TMEM245: variants seen among roughly 807,000 people sequenced by gnomAD.
TMEM245 encodes transmembrane protein 245, also known as protein CG-2.
In TMEM245, 69 loss-of-function variants were observed where a neutral mutation model predicts 101.2. The observed-to-expected ratio is 0.68, with a 90% CI of 0.56 to 0.83. TMEM245 has a LOEUF of 0.83. Among genes scored for constraint, TMEM245 ranks in the 40% least tolerant of loss-of-function variants. The probability of loss-of-function intolerance (pLI) is 0.00; values close to 1 mark genes in which losing one functional copy is unlikely to be tolerated. For missense variants in TMEM245, 1,075 were observed against 1,092.8 expected, an observed-to-expected ratio of 0.98 and a Z score of 0.23; for synonymous variants, 537 against 449.8, an observed-to-expected ratio of 1.19 and a Z score of -2.45.
In TMEM245 at chr9:109,060,371, G is replaced by C; in HGVS notation, c.1705C>G (p.His569Asp). Residue 569 changes from histidine to aspartate, a missense_variant, in exon 11 of 18, where the codon CAC becomes GAC. Physicochemically the swap from His to Asp is moderately conservative, Grantham distance 81. Around this residue, in one of 2 missense-constraint regions of TMEM245, gnomAD observed 808 missense variants for 741.5 expected, o/e 1.09. Transcript: ENST00000374586. ...QVLELWDRLY[H>D]SWFVKNVTHS... ...TAACTTACCTTTACAAACCAAGAGT[G>C]ATACAGTCTGTCCCAAAGTTCTAGT... is the stretch of plus-strand genomic sequence containing the variant. 6.2e-7 allele frequency: 1 copy of C among 1,612,640 alleles called. No homozygotes were observed. Among genetic ancestry groups the C allele is most frequent in the Non-Finnish European group, 8.5e-7 (1 of 1,179,188 alleles).
intron 1 of TMEM245, among the ~76,000 whole-genome samples, chr9:109,113,829 C>T (rs943504966): frequency 6.6e-6 from 1 of 152,140 alleles, no homozygotes; most frequent in African/African-American, 2.4e-5. Flanking sequence ...GTGGCTCACA[C>T]CTATAATCCC....
At chr9:109,058,901 C>G (rs1828927691) in intron 11 of TMEM245, among the ~76,000 whole-genome samples, 2 of 152,118 alleles carry the variant, frequency 1.3e-5, no homozygotes, top group Admixed American at 6.5e-5. Flanking sequence ...CCACCAGGCC[C>G]AGACAACAAA....
intron 17 of TMEM245, among the ~76,000 whole-genome samples, chr9:109,021,337 A>G (rs1215127537): frequency 6.6e-6 from 1 of 152,256 alleles, no homozygotes; most frequent in Non-Finnish European, 1.5e-5. Context: ...CTGGCAGTAC[A>G]TCAGGATGGA....
In TMEM245 at chr9:109,119,740, C is replaced by T. The variant is rs769896770; in HGVS notation, c.174G>A (p.Gly58=). The T allele has an allele frequency of 5.9e-6, 9 of 1,532,700 alleles. No individual in the cohort carries two copies. The African/African-American group carries it at 9.9e-5, about 17-fold the overall frequency. 94.9% of individuals were successfully genotyped at this position (1,532,700 alleles called of 1,614,324 possible). A position where few individuals can be genotyped will look rare whatever the true frequency, so the allele number is the denominator to read the frequency against. The change falls in exon 1 of 18, where the codon GGG becomes GGA. Residue 58 remains glycine, a synonymous_variant. Transcript: ENST00000374586. ...KPIKQAFYNT[G]AVLFVCLCCG... is the part of the protein sequence containing the mutation. ...AGCACAGGCACACGAACAGCACGGC[C>T]CCGGTGTTGTAGAAGGCCTGCTTAA...
At chr9:109,110,008 C>T (rs1830526112) in intron 1 of TMEM245, among the ~76,000 whole-genome samples, 1 of 152,068 alleles carries the variant, frequency 6.6e-6, no homozygotes, top group African/African-American at 2.4e-5. Flanking sequence ...CTTTAATAAG[C>T]ACTAATTCTT....
At chr9:109,112,082 T>C (rs1439347363) in intron 1 of TMEM245, among the ~76,000 whole-genome samples, 1 of 152,190 alleles carries the variant, frequency 6.6e-6, no homozygotes, top group Non-Finnish European at 1.5e-5. Flanking sequence ...AAAAACACTT[T>C]AGAGTTTATA....
chr9:109,076,062 C>T (rs1194083603), intron 8 of TMEM245, among the ~76,000 whole-genome samples: 1 of 152,138 alleles, frequency 6.6e-6, no homozygotes, highest in Non-Finnish European at 1.5e-5. Context: ...TTAAAATCTT[C>T]TAATTTCCTT....
intron 8 of TMEM245, among the ~76,000 whole-genome samples, chr9:109,080,416 AAGGTGCTATGGTATATATC>A (rs1829633323): frequency 6.6e-6 from 1 of 152,058 alleles, no homozygotes; most frequent in Admixed American, 6.6e-5. Flanking sequence ...GCGAGAAATA[AAGGTGCTATGGTATATATC>A]AGCAGAAGGA....
chr9:109,106,375 CAAT>C, intron 3 of TMEM245, 130 bp downstream of exon 3: 1 of 494,014 alleles, frequency 2.0e-6, no homozygotes, highest in African/African-American at 2.0e-5. Flanking sequence ...ATATTTTAAA[CAAT>C]TTATTTTCCA....
intron 17 of TMEM245, among the ~76,000 whole-genome samples, chr9:109,026,420 G>T (rs73527229): frequency 1.3e-5 from 2 of 152,064 alleles, no homozygotes; most frequent in East Asian, 3.9e-4. Context: ...ATAGTTAGGA[G>T]TTCGTTAAGA....
intron 1 of TMEM245, among the ~76,000 whole-genome samples, chr9:109,117,875 T>TA (rs747926107): frequency 2.3e-4 from 35 of 152,262 alleles, no homozygotes; most frequent in Non-Finnish European, 1.2e-4. Flanking sequence ...TCTTAGAACA[T>TA]AGTGTTCTGC....
intron 3 of TMEM245, among the ~76,000 whole-genome samples, chr9:109,098,475 C>G (rs1490776429): frequency 6.6e-6 from 1 of 151,798 alleles, no homozygotes; most frequent in Non-Finnish European, 1.5e-5. Context: ...TCCAACAGAT[C>G]TGTATTTTAA....
chr9:109,039,730 G>C (rs1828246356), intron 14 of TMEM245, among the ~76,000 whole-genome samples: 1 of 152,186 alleles, frequency 6.6e-6, no homozygotes, highest in Middle Eastern at 3.4e-3. Context: ...CAGCCAGAGA[G>C]GTAATGAAAT....
chr9:109,082,379 G>A (rs1008047355), intron 7 of TMEM245, among the ~76,000 whole-genome samples: 2 of 152,166 alleles, frequency 1.3e-5, no homozygotes, highest in Admixed American at 6.5e-5. Context: ...TGGAAGGTCA[G>A]ATGTCATATT....
At chr9:109,048,754 A>T (rs764351340) in intron 14 of TMEM245, among the ~76,000 whole-genome samples, 4 of 152,242 alleles carry the variant, frequency 2.6e-5, no homozygotes, top group Non-Finnish European at 4.4e-5. Flanking sequence ...AAAGGAAGCC[A>T]AGAGCCAACG....
chr9:109,073,320 A>C, intron 9 of TMEM245, 36 bp downstream of exon 9: 9 of 1,473,270 alleles, frequency 6.1e-6, no homozygotes, highest in Non-Finnish European at 7.6e-6. Context: ...AAACTAGGCC[A>C]TTCATCTCTC....
chr9:109,052,099 TA>T (rs753755125), intron 12 of TMEM245, among the ~76,000 whole-genome samples: 29 of 152,126 alleles, frequency 1.9e-4, no homozygotes, highest in Non-Finnish European at 3.2e-4. Context: ...ATTTATAGCA[TA>T]CCTGCACATT....
At chr9:109,037,547 G>A (rs1186631600) in intron 15 of TMEM245, among the ~76,000 whole-genome samples, 2 of 152,048 alleles carry the variant, frequency 1.3e-5, no homozygotes, top group African/African-American at 4.8e-5. Flanking sequence ...ATGAGTTATC[G>A]TGAGATCTGG....
intron 14 of TMEM245, among the ~76,000 whole-genome samples, chr9:109,041,427 A>G (rs973905479): frequency 9.5e-5 from 14 of 148,132 alleles, no homozygotes; most frequent in Admixed American, 7.4e-4. Context: ...AGAAGTAGAG[A>G]GTAGGATGTG....
Sources: gnomAD v4.1 joint callset for allele counts (sites outside exome capture counted in the v4.1 genomes callset) on GRCh38, gnomAD v4.1.1 for gene constraint, gnomAD v4.1.1 regional missense constraint, MANE v1.5 for transcripts, NCBI Gene and HGNC (gene_info 2026-07-23, HGNC 2026-07-21) for gene names.